The following GALK2 variants were observed in gnomAD, a reference collection of about 807,000 sequenced individuals.
GALK2 encodes galactokinase 2, also known as N-acetylgalactosamine kinase.
In GALK2, 36 loss-of-function variants were observed where a neutral mutation model predicts 52.4. The observed-to-expected ratio is 0.69, with a 90% confidence interval of 0.53 to 0.91. The LOEUF (loss-of-function observed/expected upper bound fraction) is 0.91. Ranked by LOEUF, GALK2 falls within the 40% of genes least tolerant of loss-of-function variation. The pLI is 0.00. For missense variants in GALK2, 579 were observed against 559.1 expected (o/e 1.04, Z -0.36); for synonymous variants, 176 against 199.1 (o/e 0.88, Z 0.98).
At chr15:49,264,039 T>A (rs1595884351) in intron 5 of GALK2, among the ~76,000 whole-genome samples, 1 of 152,014 alleles carries the variant, frequency 6.6e-6, no homozygotes, top group African/African-American at 2.4e-5. Flanking sequence ...AATCTGACAA[T>A]TATGTGTCTT....
At chr15:49,309,140 A>G (rs1036294915) in intron 8 of GALK2, among the ~76,000 whole-genome samples, 16 of 152,146 alleles carry the variant, frequency 1.1e-4, no homozygotes, top group African/African-American at 3.9e-4. Context: ...TTCCAATGTC[A>G]TATCCAGACT....
intron 1 of GALK2, among the ~76,000 whole-genome samples, chr15:49,178,955 T>A (rs970968221): frequency 7.2e-5 from 11 of 152,302 alleles, no homozygotes; most frequent in Non-Finnish European, 1.6e-4. Context: ...TGCTCATTAA[T>A]TTGCTCTTTA....
intron 6 of GALK2, 137 bp downstream of exon 6, chr15:49,282,222 C>T (rs1567017488): frequency 5.7e-6 from 3 of 522,896 alleles, no homozygotes; most frequent in Middle Eastern, 4.5e-4. Context: ...GATATTATTT[C>T]CCAACTGCTT....
intron 8 of GALK2, among the ~76,000 whole-genome samples, chr15:49,293,260 G>A (rs1216308976): frequency 6.6e-6 from 1 of 152,204 alleles, no homozygotes; most frequent in Non-Finnish European, 1.5e-5. Context: ...AGTTGCTACT[G>A]TAGATTTACC....
At position 49,328,568 on chromosome 15, in the gene GALK2, T is replaced by G. The variant is rs761376123; in HGVS notation, c.*409T>G. 1.2e-6 allele frequency: 2 copies of G among 1,604,944 alleles called. No homozygotes were observed. The highest frequency in any genetic ancestry group is 1.3e-5 in the African/African-American group (1 of 75,018). On this transcript the variant is annotated 3_prime_UTR_variant, in exon 10 of 10. Transcript: ENST00000560031. ...GAATAGAGTTCATTTCTGGTTTCTC[T>G]TAGTATTCTTCTTCCTCAAAGTTGT...
chr15:49,158,308 C>T (rs936959711), intron 1 of GALK2, among the ~76,000 whole-genome samples: 1 of 152,100 alleles, frequency 6.6e-6, no homozygotes, highest in Non-Finnish European at 1.5e-5. Flanking sequence ...ATGCTGAGAA[C>T]AGAAAAATGA....
intron 5 of GALK2, among the ~76,000 whole-genome samples, chr15:49,255,712 C>G (rs2091788249): frequency 1.3e-5 from 2 of 151,890 alleles, no homozygotes; most frequent in Non-Finnish European, 2.9e-5. Flanking sequence ...TATGAATTCC[C>G]CTTTATAAAG....
At chr15:49,321,242 G>T (rs2036847670) in intron 9 of GALK2, among the ~76,000 whole-genome samples, 1 of 151,696 alleles carries the variant, frequency 6.6e-6, no homozygotes, top group African/African-American at 2.4e-5. Context: ...AACAGCAAAT[G>T]CATAGGCCCT....
At chr15:49,229,843 G>A (rs986577126) in intron 3 of GALK2, among the ~76,000 whole-genome samples, 1 of 152,136 alleles carries the variant, frequency 6.6e-6, no homozygotes, top group Non-Finnish European at 1.5e-5. Context: ...GTGGCTGCAG[G>A]TGGGGTAGCG....
Position 49,160,945 on chromosome 15 carries a change from T to C in GALK2, c.20+4929T>C, listed in dbSNP as rs1217483869. ...GTAAATCACATGGTTACTCTACTTT[T>C]AATTGTTCAAAAGAGAAAATAGGAT... On this transcript the variant is annotated intron_variant, in intron 1 of 9. Transcript: ENST00000327171. 2.6e-5 allele frequency among the ~76,000 whole-genome samples: 4 copies of C among 152,320 alleles called. No individual in the cohort carries two copies. The East Asian group carries it at 7.7e-4, about 29-fold the overall frequency.
chr15:49,197,036 G>A (rs1232715864), intron 1 of GALK2, among the ~76,000 whole-genome samples: 1 of 152,180 alleles, frequency 6.6e-6, no homozygotes, highest in Non-Finnish European at 1.5e-5. Context: ...GCAGCGAGCC[G>A]TGATCATGCC....
chr15:49,229,379 T>C (rs2090372093), intron 3 of GALK2, among the ~76,000 whole-genome samples: 1 of 152,198 alleles, frequency 6.6e-6, no homozygotes. Flanking sequence ...GTGATGGCAG[T>C]AGCAGTAGTA....
intron 9 of GALK2, among the ~76,000 whole-genome samples, chr15:49,324,612 A>C (rs918708471): frequency 6.6e-6 from 1 of 152,088 alleles, no homozygotes; most frequent in African/African-American, 2.4e-5. Context: ...TGGTTTCTTG[A>C]CTGTAAAGCA....
intron 1 of GALK2, among the ~76,000 whole-genome samples, chr15:49,174,185 A>G (rs1469935856): frequency 1.3e-5 from 2 of 152,180 alleles, no homozygotes; most frequent in Non-Finnish European, 2.9e-5. Context: ...ATATGTACAT[A>G]TATGTATATA....
At chr15:49,349,006 CT>C (rs1342417762) in intron 3 of GALK2, among the ~76,000 whole-genome samples, 1 of 152,078 alleles carries the variant, frequency 6.6e-6, no homozygotes, top group Non-Finnish European at 1.5e-5. Context: ...CCAAATTGTG[CT>C]TTAAAAAATG....
chr15:49,213,466 G>A (rs926139466), intron 2 of GALK2, among the ~76,000 whole-genome samples: 8 of 152,060 alleles, frequency 5.3e-5, no homozygotes, highest in African/African-American at 1.9e-4. Context: ...TAGGTTTTAA[G>A]CCCCGCATGC....
At chr15:49,241,714 G>T (rs1204970885) in intron 5 of GALK2, among the ~76,000 whole-genome samples, 1 of 152,128 alleles carries the variant, frequency 6.6e-6, no homozygotes, top group African/African-American at 2.4e-5. Flanking sequence ...TGAAGTCAAG[G>T]AATTCATTTC....
chr15:49,167,506 C>T (rs1404318573), upstream of GALK2, among the ~76,000 whole-genome samples: 7 of 151,926 alleles, frequency 4.6e-5, no homozygotes, highest in South Asian at 2.1e-4. Context: ...TACAGGCGCC[C>T]GCCACCACAC....
At chr15:49,210,596 T>G (rs1172345194) in intron 2 of GALK2, among the ~76,000 whole-genome samples, 1 of 151,974 alleles carries the variant, frequency 6.6e-6, no homozygotes, top group Admixed American at 6.6e-5. Context: ...CCCACCACCA[T>G]GCTTGGCTAA....
Sources: gnomAD v4.1 joint callset for allele counts (sites outside exome capture counted in the v4.1 genomes callset) on GRCh38, gnomAD v4.1.1 for gene constraint, MANE v1.5 for transcripts, NCBI Gene and HGNC (gene_info 2026-07-23, HGNC 2026-07-21) for gene names.